Variants in CENPH observed in about 807,000 individuals in gnomAD.
The protein encoded by CENPH is CENP-H.
CENPH carries 40 observed loss-of-function variants against 42.9 expected under a neutral mutation model. The ratio of observed to expected loss-of-function variants is 0.93; its 90% CI spans 0.72 to 1.21. The LOEUF is 1.21. Ranked by LOEUF, CENPH falls within the 50% of genes most tolerant of loss-of-function variation. The pLI is 0.00. For missense variants in CENPH, 302 were observed against 292.9 expected (o/e 1.03, Z -0.23); for synonymous variants, 88 against 96.5 (o/e 0.91, Z 0.52).
chr5:69,190,079 C>T lies in CENPH; in HGVS notation c.134+311C>T, dbSNP rs1033819122. Reference sequence around the variant, plus strand: ...TCCCCCTACCTCTCTGGTTTACAGACAAATTGAATGCCAGAGCTAAACTGG... The same window carrying T: ...TCCCCCTACCTCTCTGGTTTACAGATAAATTGAATGCCAGAGCTAAACTGG... On this transcript the variant is annotated intron_variant, in intron 1 of 8. Coordinates refer to ENST00000283006, the MANE Select transcript of CENPH (RefSeq NM_022909.4). 3.3e-5 allele frequency among the ~76,000 whole-genome samples: 5 copies of T among 152,172 alleles called. No individual in the cohort carries two copies. In the East Asian group the frequency reaches 9.6e-4, roughly 29 times the overall value.
intron 5 of CENPH, among the ~76,000 whole-genome samples, chr5:69,200,957 C>T (rs181461249): frequency 6.7e-6 from 1 of 149,904 alleles, no homozygotes; most frequent in African/African-American, 2.4e-5. Flanking sequence ...AGGCTAGTCT[C>T]GAGCTTCTGA....
intron 1 of CENPH, 134 bp from the exon 2 acceptor site, chr5:69,191,661 A>G: frequency 1.7e-6 from 1 of 594,698 alleles, no homozygotes; most frequent in Non-Finnish European, 3.0e-6. Flanking sequence ...GAAGTTTGTA[A>G]TTAGGAGTTT....
intron 2 of CENPH, among the ~76,000 whole-genome samples, chr5:69,192,382 A>G (rs1242333073): frequency 6.6e-6 from 1 of 152,184 alleles, no homozygotes; most frequent in Non-Finnish European, 1.5e-5. Flanking sequence ...TATAGCTAGT[A>G]CCATTTTTAA....
At chr5:69,194,402 T>C (rs1018882601) in intron 2 of CENPH, among the ~76,000 whole-genome samples, 1 of 152,170 alleles carries the variant, frequency 6.6e-6, no homozygotes, top group Non-Finnish European at 1.5e-5. Flanking sequence ...GGGCTGTAAA[T>C]GTAAAATACA....
At chr5:69,207,097 A>G (rs1487848146) in intron 7 of CENPH, among the ~76,000 whole-genome samples, 4 of 152,172 alleles carry the variant, frequency 2.6e-5, no homozygotes, top group South Asian at 2.1e-4. Flanking sequence ...CCTGAAATAC[A>G]TCCATTTATA....
intron 2 of CENPH, among the ~76,000 whole-genome samples, chr5:69,192,436 A>G (rs1747892323): frequency 6.6e-6 from 1 of 152,192 alleles, no homozygotes; most frequent in Admixed American, 6.5e-5. Flanking sequence ...ACACTGTAGA[A>G]TTTCTATACC....
At chr5:69,209,683 T>C (rs766600834) in intron 8 of CENPH, 24 bp from the exon 9 acceptor site, 2 of 1,302,436 alleles carry the variant, frequency 1.5e-6, no homozygotes, top group Non-Finnish European at 2.2e-6. Context: ...CTTGTAACTT[T>C]AAAACAATTT....
chr5:69,194,266 C>T (rs1340112304), intron 2 of CENPH, among the ~76,000 whole-genome samples: 1 of 152,126 alleles, frequency 6.6e-6, no homozygotes, highest in African/African-American at 2.4e-5. Flanking sequence ...TCAAGCGATC[C>T]TCCCACCTCA....
chr5:69,204,919 C>CTTTTTTTTT (rs375795328), intron 7 of CENPH, among the ~76,000 whole-genome samples: 1 of 99,430 alleles, frequency 1.0e-5, no homozygotes, highest in Non-Finnish European at 2.0e-5. Flanking sequence ...TTTTCTTTTT[C>CTTTTTTTTT]TTTTTTTTTT....
Position 69,200,719 on chromosome 5 carries a change from C to CTTTTTTTTTTTTTTTTTTTTTTTTTTT in CENPH, c.372-1779_372-1753dup, listed in dbSNP as rs70992906. On this transcript the variant is annotated intron_variant, in intron 5 of 8. Coordinates refer to ENST00000283006, the MANE Select transcript of CENPH (RefSeq NM_022909.4). ...TCCCAAACTTTCTGAATCAGCGTAT[C>CTTTTTTTTTTTTTTTTTTTTTTTTTTT]TTTTTTTTTTTTTTTTTTTTTTTTT... 4.5e-4 allele frequency among the ~76,000 whole-genome samples: 21 copies of CTTTTTTTTTTTTTTTTTTTTTTTTTTT among 46,914 alleles called. 7 individuals carry two copies. The highest frequency in any genetic ancestry group is 1.1e-3 in the South Asian group (1 of 924). The allele number at this position is 46,914 out of a possible 152,430, so 30.8% of individuals were successfully genotyped here.
chr5:69,194,813 C>A, intron 3 of CENPH, 118 bp downstream of exon 3: 1 of 555,130 alleles, frequency 1.8e-6, no homozygotes, highest in East Asian at 3.5e-5. Flanking sequence ...GTGGTGTGAT[C>A]ATAGTTCATT....
Position 69,198,133 on chromosome 5 carries a change from G to A in CENPH, c.371+1024G>A, listed in dbSNP as rs1010065413. Among the ~76,000 whole-genome samples the A allele has an allele frequency of 1.3e-4, 19 of 151,656 alleles. 1 individual carries two copies. The highest frequency in any genetic ancestry group is 1.3e-3 in the Admixed American group (19 of 15,190). ...GACGGGCTTTCACTGTGTTAGCCAGGATGGTCTCGATCTCCTGACCTCGTG... is the reference window on the plus strand; with the variant it reads ...GACGGGCTTTCACTGTGTTAGCCAGAATGGTCTCGATCTCCTGACCTCGTG... On this transcript the variant is annotated intron_variant, in intron 5 of 8. Coordinates refer to ENST00000283006, the MANE Select transcript of CENPH (RefSeq NM_022909.4).
Position 69,193,372 on chromosome 5 carries a change from A to G in CENPH, c.191-1275A>G, listed in dbSNP as rs1283304484. ...ATTTTCGGCTGAGCATGGTGGATCAATCTGTAATCCCAGCACTTTGAGGGG... is the reference window on the plus strand; with the variant it reads ...ATTTTCGGCTGAGCATGGTGGATCAGTCTGTAATCCCAGCACTTTGAGGGG... On this transcript the variant is annotated intron_variant, in intron 2 of 8. Transcript: ENST00000283006. Among the ~76,000 whole-genome samples, 10 of 150,474 alleles carry G rather than the reference A, an allele frequency of 6.6e-5. No individual in the cohort carries two copies. In the East Asian group the frequency reaches 1.7e-3, roughly 26 times the overall value.
intron 5 of CENPH, 40 bp from the exon 6 acceptor site, chr5:69,202,466 C>A (rs754225650): frequency 8.5e-7 from 1 of 1,174,808 alleles, no homozygotes; most frequent in Non-Finnish European, 1.2e-6. Context: ...AATTAAGTTA[C>A]AAATAACCTT....
chr5:69,190,956 A>G (rs998569513), intron 1 of CENPH, among the ~76,000 whole-genome samples: 2 of 151,794 alleles, frequency 1.3e-5, no homozygotes, highest in African/African-American at 2.4e-5. Flanking sequence ...AAAGATGTCT[A>G]TTTCTTTTTT....
rs368526083 is a variant in CENPH at position 69,202,892 on chromosome 5, C to T, written c.436-27C>T. 3.5e-5 allele frequency: 49 copies of T among 1,409,410 alleles called. 1 individual carries two copies. In the Admixed American group the frequency reaches 5.4e-4, roughly 16 times the overall value. 87.3% of individuals were successfully genotyped at this position (1,409,410 alleles called of 1,614,324 possible). On this transcript the variant is annotated intron_variant, in intron 6 of 8. Transcript: ENST00000283006. Reference sequence around the variant, plus strand: ...GTTTGTCCTTACATACAGTAATGTGCTTTAACTTTTTTATTTTTAATAACA... The same window carrying T: ...GTTTGTCCTTACATACAGTAATGTGTTTTAACTTTTTTATTTTTAATAACA...
intron 7 of CENPH, among the ~76,000 whole-genome samples, chr5:69,204,043 T>TATA (rs1212840858): frequency 1.9e-4 from 12 of 64,524 alleles, no homozygotes; most frequent in East Asian, 1.6e-3. Flanking sequence ...ATTATATATA[T>TATA]TTATATATTA....
At chr5:69,207,161 T>G (rs1017073734) in intron 7 of CENPH, among the ~76,000 whole-genome samples, 1 of 152,132 alleles carries the variant, frequency 6.6e-6, no homozygotes, top group Non-Finnish European at 1.5e-5. Flanking sequence ...AAATGATTGA[T>G]GATGTTTATC....
Position 69,209,933 on chromosome 5 carries a change from G to A in CENPH, c.*134G>A. On this transcript the variant is annotated 3_prime_UTR_variant, in exon 9 of 9. Transcript: ENST00000283006. ...ACGTTTACAGTTGTAGTACAGTTGT[G>A]GTTAGTTATTTGTAGTGGGATTGAA... 2.1e-6 allele frequency: 1 copy of A among 476,504 alleles called. No individual in the cohort carries two copies. Among genetic ancestry groups the A allele is most frequent in the South Asian group, 4.4e-5 (1 of 22,770 alleles). 29.5% of individuals were successfully genotyped at this position (476,504 alleles called of 1,614,324 possible). A position where few individuals can be genotyped will look rare whatever the true frequency, so the allele number is the denominator to read the frequency against.
Sources: gnomAD v4.1 joint callset for allele counts (sites outside exome capture counted in the v4.1 genomes callset) on GRCh38, gnomAD v4.1.1 for gene constraint, MANE v1.5 for transcripts, NCBI Gene and HGNC (gene_info 2026-07-23, HGNC 2026-07-21) for gene names.